The following PARP14 variants were observed in gnomAD, a reference collection of about 807,000 sequenced individuals.
The protein encoded by PARP14 is poly(ADP-ribose) polymerase family member 14, also known as protein mono-ADP-ribosyltransferase PARP14.
PARP14 carries 59 observed loss-of-function variants against 154.2 expected under a neutral mutation model. That is an observed-to-expected ratio of 0.38 (90% CI 0.31 to 0.48). The LOEUF is 0.48. Among genes scored for constraint, PARP14 ranks in the 20% least tolerant of loss-of-function variants. The pLI is 0.98. For missense variants in PARP14, 1,734 were observed against 2,131.6 expected, an observed-to-expected ratio of 0.81 and a Z score of 3.67; for synonymous variants, 720 against 780.5, an observed-to-expected ratio of 0.92 and a Z score of 1.29.
At chr3:122,720,437 G>A (rs1358379148) in intron 15 of PARP14, 49 bp downstream of exon 15, 5 of 1,562,490 alleles carry the variant, frequency 3.2e-6, no homozygotes, top group Non-Finnish European at 4.4e-6. Flanking sequence ...AATAAGTTCT[G>A]TCATGGTCCT....
At chr3:122,704,447 A>G (rs1384557133) in intron 7 of PARP14, 80 bp from the exon 8 acceptor site, 3 of 827,578 alleles carry the variant, frequency 3.6e-6, no homozygotes, top group African/African-American at 1.7e-5. Context: ...CAAGTTCACA[A>G]AGTTGCTAAA....
chr3:122,705,766 T>C (rs13062151), intron 8 of PARP14, among the ~76,000 whole-genome samples: 30,064 of 152,200 alleles, frequency 0.2, 3,075 homozygotes, highest in Middle Eastern at 0.26. Context: ...TTTTCTGTGA[T>C]GCTAGATACT....
Position 122,714,281 on chromosome 3 carries a change from T to G in PARP14, c.3852T>G (p.Asp1284Glu). 6.3e-7 allele frequency: 1 copy of G among 1,598,662 alleles called. No individual in the cohort carries two copies. Among genetic ancestry groups the G allele is most frequent in the Non-Finnish European group, 8.5e-7 (1 of 1,175,720 alleles). Residue 1284 changes from aspartate (D) to glutamate (E), a missense_variant, in exon 12 of 17, where the codon GAT becomes GAG. Asp to Glu is a conservative substitution (Grantham distance 45). Transcript: ENST00000474629. ...TCCCAGCTCAGCAGCGCAAAAATGA[T>G]TATATAATCACCGGAGGTGGATTTT... is the stretch of plus-strand genomic sequence containing the variant. The part of the protein sequence containing the change: ...CSQQAQQRKN[D>E]YIITGGGFLR...
At chr3:122,713,311 C>T in intron 9 of PARP14, 113 bp from the exon 10 acceptor site, 7 of 772,066 alleles carry the variant, frequency 9.1e-6, no homozygotes, top group Non-Finnish European at 1.4e-5. Flanking sequence ...GACCAGAGGT[C>T]ACAGAAAGAG....
At chr3:122,682,773 C>T (rs929107276) in intron 1 of PARP14, among the ~76,000 whole-genome samples, 4 of 152,092 alleles carry the variant, frequency 2.6e-5, no homozygotes, top group African/African-American at 4.8e-5. Flanking sequence ...CAAAACCGGC[C>T]GGGCGTGGTG....
At chr3:122,708,094 A>C (rs887556977) in intron 8 of PARP14, 96 bp from the exon 9 acceptor site, 2 of 616,552 alleles carry the variant, frequency 3.2e-6, no homozygotes, top group South Asian at 4.1e-5. Context: ...TTATCTCCCA[A>C]ATATGTATGT....
intron 8 of PARP14, 90 bp downstream of exon 8, chr3:122,704,838 T>C (rs1341981778): frequency 1.5e-5 from 10 of 671,396 alleles, no homozygotes; most frequent in Non-Finnish European, 2.5e-5. Context: ...ACTTTTTTCA[T>C]TCATTTCCCC....
intron 1 of PARP14, among the ~76,000 whole-genome samples, chr3:122,684,064 G>A (rs1938296562): frequency 6.6e-6 from 1 of 152,106 alleles, no homozygotes; most frequent in South Asian, 2.1e-4. Context: ...TTCTGAGTTG[G>A]CATCCAATTA....
At chr3:122,708,736 A>T (rs1171822254) in intron 9 of PARP14, among the ~76,000 whole-genome samples, 1 of 152,028 alleles carries the variant, frequency 6.6e-6, no homozygotes, top group Non-Finnish European at 1.5e-5. Flanking sequence ...GATCTATTTC[A>T]TATCTCCTTC....
At chr3:122,710,467 G>T (rs1409404160) in intron 9 of PARP14, among the ~76,000 whole-genome samples, 1 of 152,148 alleles carries the variant, frequency 6.6e-6, no homozygotes, top group Non-Finnish European at 1.5e-5. Flanking sequence ...TAGCCTTGTA[G>T]TATAATTTGA....
At chr3:122,686,566 C>T (rs751769674) in intron 2 of PARP14, among the ~76,000 whole-genome samples, 6 of 152,166 alleles carry the variant, frequency 3.9e-5, no homozygotes, top group Non-Finnish European at 7.3e-5. Context: ...TCAAGTGATC[C>T]TCCTGCCTCA....
chr3:122,717,973 G>T, intron 12 of PARP14, 98 bp from the exon 13 acceptor site: 1 of 831,846 alleles, frequency 1.2e-6, no homozygotes, highest in East Asian at 2.6e-5. Flanking sequence ...TTGAGGAGTG[G>T]GCATTTATTC....
chr3:122,700,550 G>T lies in PARP14; in HGVS notation c.1996G>T (p.Glu666Ter). 1.3e-6 allele frequency: 2 copies of T among 1,595,200 alleles called. No homozygotes were observed. Among genetic ancestry groups the T allele is most frequent in the South Asian group, 1.1e-5 (1 of 88,478 alleles). The change falls in exon 6 of 17, where the codon GAA (glutamate) becomes TAA (stop). Residue 666 changes from glutamate (E) to a stop codon, truncating the protein, a stop_gained. Coordinates refer to ENST00000474629, the MANE Select transcript of PARP14 (RefSeq NM_017554.3). LOFTEE classifies it high-confidence loss of function. ...ETYKLLFNFV[E>*]QNMKIERLVE... ...CTATAAATTGCTTTTTAACTTCGTT[G>T]AACAAAACATGAAAATAGAGAGACT...
chr3:122,720,028 T>C (rs1290741951), intron 14 of PARP14, among the ~76,000 whole-genome samples: 1 of 152,244 alleles, frequency 6.6e-6, no homozygotes, highest in Non-Finnish European at 1.5e-5. Flanking sequence ...CCCTCACAGA[T>C]GCTGATTCAG....
intron 15 of PARP14, chr3:122,721,640 C>T (rs1933168708): frequency 6.6e-6 from 1 of 152,198 alleles, no homozygotes; most frequent in Admixed American, 6.5e-5. Context: ...TCTCTAAAAT[C>T]TAATGCATCA....
chr3:122,724,870 T>C (rs1164388302), intron 15 of PARP14, among the ~76,000 whole-genome samples: 1 of 152,118 alleles, frequency 6.6e-6, no homozygotes, highest in Non-Finnish European at 1.5e-5. Flanking sequence ...GCATGCTGCC[T>C]TCAAGCATCT....
chr3:122,713,153 T>G (rs1939376486), intron 9 of PARP14, among the ~76,000 whole-genome samples: 1 of 152,246 alleles, frequency 6.6e-6, no homozygotes, highest in Non-Finnish European at 1.5e-5. Context: ...TGTCCTGTTT[T>G]TAGTTGTAAT....
chr3:122,711,019 C>T (rs1939306619), intron 9 of PARP14, among the ~76,000 whole-genome samples: 1 of 151,702 alleles, frequency 6.6e-6, no homozygotes, highest in Admixed American at 6.6e-5. Flanking sequence ...AGTATACAAT[C>T]ATATTATCTG....
chr3:122,702,347 G>A (rs146472167), intron 6 of PARP14, among the ~76,000 whole-genome samples: 9,045 of 152,184 alleles, frequency 0.059, 336 homozygotes, highest in African/African-American at 0.1. Flanking sequence ...CTCCCGAGTA[G>A]CTGGGACTAC....
Sources: gnomAD v4.1 joint callset for allele counts (sites outside exome capture counted in the v4.1 genomes callset) on GRCh38, gnomAD v4.1.1 for gene constraint, MANE v1.5 for transcripts, NCBI Gene and HGNC (gene_info 2026-07-23, HGNC 2026-07-21) for gene names.